Variants in PRORP observed in about 807,000 individuals in gnomAD.
PRORP encodes mitochondrial ribonuclease P catalytic subunit.
In PRORP, 51 loss-of-function variants were observed where a neutral mutation model predicts 59.4. That is an observed-to-expected ratio of 0.86 (90% CI 0.69 to 1.08). The LOEUF (loss-of-function observed/expected upper bound fraction) is 1.08, where lower values mean the gene tolerates loss of function less well. PRORP is among the 50% of genes least tolerant of loss of function. The pLI is 0.00. For synonymous variants in PRORP, 231 were observed against 245.6 expected (o/e 0.94, Z 0.55); for missense variants, 646 against 690.3 (o/e 0.94, Z 0.72).
In PRORP at chr14:35,123,051, G is replaced by GA. The variant is rs1367426440; in HGVS notation, c.-191dup. 5 of 609,120 alleles carry GA rather than the reference G, an allele frequency of 8.2e-6. No homozygotes were observed. Among genetic ancestry groups the GA allele is most frequent in the Non-Finnish European group, 1.4e-5 (5 of 354,060 alleles). The allele number at this position is 609,120 out of a possible 1,614,324, so 37.7% of individuals were successfully genotyped here. A position where few individuals can be genotyped will look rare whatever the true frequency, so the allele number is the denominator to read the frequency against. On this transcript the variant is annotated 5_prime_UTR_variant, in exon 2 of 8. The change abolishes the stop of an existing upstream ORF in the 5' untranslated region. Transcript: ENST00000534898. ...CATCCCCGGATTGTTGTTTAATAGA[G>GA]AAAACTCACCTGCCTTCTTGCTTTT...
At chr14:35,176,614 C>T (rs1347558904) in intron 4 of PRORP, among the ~76,000 whole-genome samples, 3 of 152,146 alleles carry the variant, frequency 2.0e-5, no homozygotes, top group African/African-American at 4.8e-5. Context: ...TTTGCTGAAG[C>T]TGCTTATCAG....
chr14:35,206,406 A>G (rs962708038), intron 5 of PRORP, among the ~76,000 whole-genome samples: 1 of 152,198 alleles, frequency 6.6e-6, no homozygotes, highest in Non-Finnish European at 1.5e-5. Context: ...GATAATCACG[A>G]TAACATTAAT....
intron 5 of PRORP, among the ~76,000 whole-genome samples, chr14:35,202,782 G>A (rs1044444658): frequency 2.3e-4 from 35 of 152,018 alleles, no homozygotes; most frequent in African/African-American, 8.2e-4. Flanking sequence ...GGCATGTGCC[G>A]CCACACCTGG....
In PRORP at chr14:35,149,846, T is replaced by C. The variant is rs570103628; in HGVS notation, c.1167+22235T>C. ...CCTATCTTAGCTTTTTTGTTTTGTT[T>C]TGTTTTGTTTTTTAAGGCGGGGAGA... is the stretch of plus-strand genomic sequence containing the variant. On this transcript the variant is annotated intron_variant, in intron 4 of 7. Transcript: ENST00000534898. Among the ~76,000 whole-genome samples the C allele has an allele frequency of 3.3e-5, 5 of 152,266 alleles. No homozygotes were observed. In the South Asian group the frequency reaches 1.0e-3, roughly 32 times the overall value.
intron 4 of PRORP, among the ~76,000 whole-genome samples, chr14:35,174,837 C>A (rs2048406546): frequency 6.6e-6 from 1 of 150,840 alleles, no homozygotes. Context: ...TGGTGTGCTG[C>A]ACCCGTTAAC....
chr14:35,268,261 C>T (rs1231117331), intron 6 of PRORP, among the ~76,000 whole-genome samples: 1 of 145,564 alleles, frequency 6.9e-6, no homozygotes, highest in Non-Finnish European at 1.5e-5. Context: ...AGCAGAATCA[C>T]TTGAACCTGG....
intron 5 of PRORP, among the ~76,000 whole-genome samples, chr14:35,202,070 C>T (rs1348681419): frequency 6.6e-6 from 1 of 151,090 alleles, no homozygotes; most frequent in Non-Finnish European, 1.5e-5. Flanking sequence ...CCCAGGTTCA[C>T]GCCATTCTCC....
At chr14:35,153,970 C>T (rs967596559) in intron 4 of PRORP, among the ~76,000 whole-genome samples, 1 of 152,112 alleles carries the variant, frequency 6.6e-6, no homozygotes, top group Non-Finnish European at 1.5e-5. Flanking sequence ...TAAATATTAA[C>T]TAACTTAACA....
intron 5 of PRORP, among the ~76,000 whole-genome samples, chr14:35,186,762 T>TATC (rs2048753914): frequency 6.6e-6 from 1 of 151,682 alleles, no homozygotes; most frequent in South Asian, 2.1e-4. Context: ...CAGCTAATTT[T>TATC]ATTATTATTA....
upstream of PRORP, chr14:35,122,135 CG>C: frequency 1.7e-6 from 1 of 604,674 alleles, no homozygotes; most frequent in South Asian, 1.9e-5. Flanking sequence ...GTCACTGCCG[CG>C]GAGAATACCG....
intron 4 of PRORP, among the ~76,000 whole-genome samples, chr14:35,170,219 A>G (rs1319127596): frequency 6.6e-6 from 1 of 151,972 alleles, no homozygotes; most frequent in Non-Finnish European, 1.5e-5. Context: ...TATAGATAGC[A>G]TTTTTTATAA....
intron 4 of PRORP, among the ~76,000 whole-genome samples, chr14:35,149,215 G>A (rs35861323): frequency 0.19 from 28,902 of 151,312 alleles, 3,307 homozygotes; most frequent in Non-Finnish European, 0.26. Flanking sequence ...CACCGCGCCC[G>A]GCCTAATTTT....
At chr14:35,143,273 C>T (rs2047524326) in intron 4 of PRORP, among the ~76,000 whole-genome samples, 1 of 144,762 alleles carries the variant, frequency 6.9e-6, no homozygotes, top group African/African-American at 2.4e-5. Flanking sequence ...GATTCTCCTG[C>T]CTCAGCCTCC....
intron 5 of PRORP, among the ~76,000 whole-genome samples, chr14:35,214,309 A>G (rs2049529525): frequency 6.6e-6 from 1 of 152,208 alleles, no homozygotes; most frequent in African/African-American, 2.4e-5. Flanking sequence ...CTAAATAATG[A>G]AATTGTAGGA....
At chr14:35,162,662 T>C (rs944680850) in intron 4 of PRORP, among the ~76,000 whole-genome samples, 1 of 152,082 alleles carries the variant, frequency 6.6e-6, no homozygotes. Flanking sequence ...TGTCAGACTT[T>C]CCTTTTATGG....
Position 35,140,157 on chromosome 14 carries a change from G to C in PRORP, c.1167+12546G>C, listed in dbSNP as rs1315624835. On this transcript the variant is annotated intron_variant, in intron 4 of 7. Coordinates refer to ENST00000534898, the MANE Select transcript of PRORP (RefSeq NM_014672.4). ...AGGTTACACTATTCAACCTACTACAGCTTTTTTTTTCTCTTGGGTAACTCT... is the reference window on the plus strand; with the variant it reads ...AGGTTACACTATTCAACCTACTACACCTTTTTTTTTCTCTTGGGTAACTCT... Among the ~76,000 whole-genome samples the C allele has an allele frequency of 2.1e-5, 3 of 145,184 alleles. 1 individual carries two copies. Among genetic ancestry groups the C allele is most frequent in the Non-Finnish European group, 4.6e-5 (3 of 65,386 alleles).
At chr14:35,237,067 T>TTTCC (rs144513467) in intron 5 of PRORP, among the ~76,000 whole-genome samples, 4,679 of 143,950 alleles carry the variant, frequency 0.033, 129 homozygotes, top group Non-Finnish European at 0.049. Context: ...CCTTCCTTCC[T>TTTCC]TTCCTTCCTT....
intron 5 of PRORP, among the ~76,000 whole-genome samples, chr14:35,242,921 A>C (rs1566521558): frequency 6.6e-6 from 1 of 152,158 alleles, no homozygotes; most frequent in Non-Finnish European, 1.5e-5. Context: ...TTGGAGTGTT[A>C]TTTCTTTTAT....
At chr14:35,242,399 G>A (rs1025454287) in intron 5 of PRORP, among the ~76,000 whole-genome samples, 4 of 152,096 alleles carry the variant, frequency 2.6e-5, no homozygotes, top group African/African-American at 9.7e-5. Flanking sequence ...TGTATGTTCT[G>A]CTGTTGGTGT....
Sources: gnomAD v4.1 joint callset for allele counts (sites outside exome capture counted in the v4.1 genomes callset) on GRCh38, gnomAD v4.1.1 for gene constraint, MANE v1.5 for transcripts, NCBI Gene and HGNC (gene_info 2026-07-23, HGNC 2026-07-21) for gene names.